TBL1X: variants seen among roughly 807,000 people sequenced by gnomAD.
TBL1X encodes transducin beta like 1 X-linked.
A neutral mutation model predicts 50.7 loss-of-function variants in TBL1X; 10 were observed. The ratio of observed to expected loss-of-function variants is 0.20; its 90% CI spans 0.12 to 0.33. The LOEUF is 0.33. Among genes scored for constraint, TBL1X ranks in the 10% least tolerant of loss-of-function variants. The pLI is 1.00. For synonymous variants in TBL1X, 190 were observed against 214.7 expected (o/e 0.88, Z 1.01); for missense variants, 340 against 504.4 (o/e 0.67, Z 3.12).
chrX:9,554,325 G>A (rs12014568), intron 2 of TBL1X, among the ~76,000 whole-genome samples: 2,843 of 112,363 alleles, frequency 0.025, 110 homozygotes, highest in African/African-American at 0.088. Context: ...TATTAACTCC[G>A]AATAAGCAGA....
At chrX:9,623,169 C>G (rs1276424705) in intron 2 of TBL1X, among the ~76,000 whole-genome samples, 1 of 111,809 alleles carries the variant, frequency 8.9e-6, no homozygotes, top group Non-Finnish European at 1.9e-5. Context: ...CAAATTTAGC[C>G]CTTGCTAATT....
chrX:9,553,383 A>G (rs1332015443), intron 2 of TBL1X, among the ~76,000 whole-genome samples: 1 of 112,220 alleles, frequency 8.9e-6, no homozygotes, highest in Non-Finnish European at 1.9e-5. Context: ...AAGCCTTTAA[A>G]AAAGGACACA....
At chrX:9,695,993 A>C (rs150780717) in intron 11 of TBL1X, among the ~76,000 whole-genome samples, 1 of 112,419 alleles carries the variant, frequency 8.9e-6, no homozygotes, top group Non-Finnish European at 1.9e-5. Context: ...AGTGAAAATA[A>C]CATCCTTGTA....
At position 9,503,731 on chromosome X, in the gene TBL1X, C is replaced by T. The variant is rs773459058; in HGVS notation, c.-131+1882C>T. Among the ~76,000 whole-genome samples, 13 of 112,635 alleles carry T rather than the reference C, an allele frequency of 1.2e-4. No individual in the cohort carries two copies. In the East Asian group the frequency reaches 2.0e-3, roughly 17 times the overall value. On this transcript the variant is annotated intron_variant, in intron 2 of 17. Coordinates refer to ENST00000645353, the MANE Select transcript of TBL1X (RefSeq NM_005647.4). ...TAGTTGGGGTGTGTGTGGGGCGGGG[C>T]GCTTCCCTGCTGGATCTCCAGTAAC...
At chrX:9,543,694 C>T (rs1408261421) in intron 2 of TBL1X, among the ~76,000 whole-genome samples, 1 of 112,116 alleles carries the variant, frequency 8.9e-6, no homozygotes, top group Non-Finnish European at 1.9e-5. Context: ...TTTTAAATTG[C>T]CTGTTTAATT....
At chrX:9,574,206 G>C (rs2082399210) in intron 2 of TBL1X, among the ~76,000 whole-genome samples, 1 of 110,233 alleles carries the variant, frequency 9.1e-6, no homozygotes, top group South Asian at 3.9e-4. Flanking sequence ...GCTCACATCT[G>C]TAGTCCTAGC....
chrX:9,466,927 C>G (rs2081779227), intron 1 of TBL1X, among the ~76,000 whole-genome samples: 2 of 111,842 alleles, frequency 1.8e-5, no homozygotes, highest in African/African-American at 6.5e-5. Context: ...CGATTCCAGC[C>G]CTTAGTAGAA....
At chrX:9,656,836 G>A (rs995730561) in intron 5 of TBL1X, among the ~76,000 whole-genome samples, 22 of 112,153 alleles carry the variant, frequency 2.0e-4, no homozygotes, top group African/African-American at 5.2e-4. Context: ...TTCTATGTTC[G>A]TCTCAAGTCC....
chrX:9,503,484 A>AG, intron 2 of TBL1X, among the ~76,000 whole-genome samples: 1 of 90,187 alleles, frequency 1.1e-5, no homozygotes, highest in African/African-American at 3.7e-5. Context: ...TCCTGCAGGG[A>AG]GGGGCAGCAG....
intron 2 of TBL1X, among the ~76,000 whole-genome samples, chrX:9,542,451 C>A (rs890604304): frequency 1.8e-5 from 2 of 111,927 alleles, no homozygotes; most frequent in African/African-American, 6.5e-5. Flanking sequence ...CGGTAGCTCC[C>A]ACTTCCCCAG....
chrX:9,675,891 C>CA (rs1175476577), intron 5 of TBL1X, among the ~76,000 whole-genome samples: 16,580 of 58,039 alleles, frequency 0.29, 1,619 homozygotes, highest in African/African-American at 0.3. Flanking sequence ...AACTCTGTCT[C>CA]AAAAAAAAAA....
chrX:9,616,312 G>T, intron 2 of TBL1X, among the ~76,000 whole-genome samples: 1 of 111,578 alleles, frequency 9.0e-6, no homozygotes, highest in Non-Finnish European at 1.9e-5. Flanking sequence ...GAAATCTAGG[G>T]TTTATTTAAA....
intron 16 of TBL1X, 33 bp from the exon 17 acceptor site, chrX:9,714,869 T>TG: frequency 8.4e-7 from 1 of 1,190,443 alleles, no homozygotes; most frequent in Middle Eastern, 2.3e-4. Flanking sequence ...AGGCGCCCCT[T>TG]GCGTTGTAAG....
At chrX:9,673,635 G>A (rs892976638) in intron 5 of TBL1X, among the ~76,000 whole-genome samples, 1 of 111,999 alleles carries the variant, frequency 8.9e-6, no homozygotes, top group Non-Finnish European at 1.9e-5. Flanking sequence ...TTATATATGT[G>A]TATCTATATC....
chrX:9,676,633 G>C lies in TBL1X; in HGVS notation c.212-7410G>C, dbSNP rs138656236. On this transcript the variant is annotated intron_variant, in intron 5 of 17. Transcript: ENST00000645353. ...ATTTTACGCTAAATTCCATGTTATG[G>C]TGGGTCATCTCAAACAGGTCTGCAG... 5.1e-3 allele frequency among the ~76,000 whole-genome samples: 568 copies of C among 111,939 alleles called. 1 individual carries two copies. The highest frequency in any genetic ancestry group is 9.1e-3 in the Non-Finnish European group (482 of 53,180).
rs193037606 is a variant in TBL1X, at chrX:9,495,410, C to T, written c.-200-6370C>T. 1.3e-3 allele frequency among the ~76,000 whole-genome samples: 139 copies of T among 109,950 alleles called. 1 individual carries two copies. Among genetic ancestry groups the T allele is most frequent in the African/African-American group, 4.4e-3 (133 of 30,111 alleles). Reference sequence around the variant, plus strand: ...GTTTCGGTTTCTTTTTTTTTAGGTCCGACAGAGATTCCTGGGATAGCTGCA... The same window carrying T: ...GTTTCGGTTTCTTTTTTTTTAGGTCTGACAGAGATTCCTGGGATAGCTGCA... On this transcript the variant is annotated intron_variant, in intron 1 of 17. Coordinates refer to ENST00000645353, the MANE Select transcript of TBL1X (RefSeq NM_005647.4).
chrX:9,646,645 G>A (rs944408147), intron 3 of TBL1X, among the ~76,000 whole-genome samples: 2 of 111,851 alleles, frequency 1.8e-5, no homozygotes, highest in African/African-American at 6.5e-5. Flanking sequence ...CCTGAGCCTT[G>A]TCCAGGCCAT....
At chrX:9,502,340 C>G (rs1224309547) in intron 2 of TBL1X, among the ~76,000 whole-genome samples, 2 of 112,471 alleles carry the variant, frequency 1.8e-5, no homozygotes, top group African/African-American at 6.5e-5. Flanking sequence ...ACTGGCTGCT[C>G]AGTCAAATGC....
intron 2 of TBL1X, among the ~76,000 whole-genome samples, chrX:9,628,386 C>A (rs1412466851): frequency 9.0e-6 from 1 of 111,219 alleles, no homozygotes; most frequent in Non-Finnish European, 1.9e-5. Flanking sequence ...CAAAATCACG[C>A]CTGCTTGAGA....
Sources: gnomAD v4.1 joint callset for allele counts (sites outside exome capture counted in the v4.1 genomes callset) on GRCh38, gnomAD v4.1.1 for gene constraint, MANE v1.5 for transcripts, NCBI Gene and HGNC (gene_info 2026-07-23, HGNC 2026-07-21) for gene names.